Variants in CNTNAP2 observed in about 807,000 individuals in gnomAD.
The protein encoded by CNTNAP2 is contactin associated protein 2.
CNTNAP2 carries 98 observed loss-of-function variants against 155.2 expected under a neutral mutation model. The ratio of observed to expected loss-of-function variants is 0.63; its 90% CI spans 0.54 to 0.75. The LOEUF (loss-of-function observed/expected upper bound fraction) is 0.75. Ranked by LOEUF, CNTNAP2 falls within the 30% of genes least tolerant of loss-of-function variation. CNTNAP2 has a pLI of 0.00. For synonymous variants in CNTNAP2, 651 were observed against 631.2 expected, an observed-to-expected ratio of 1.03 and a Z score of -0.47; for missense variants, 1,727 against 1,688.1, an observed-to-expected ratio of 1.02 and a Z score of -0.40.
At chr7:146,129,034 T>C (rs1797677410) in intron 1 of CNTNAP2, among the ~76,000 whole-genome samples, 1 of 152,286 alleles carries the variant, frequency 6.6e-6, no homozygotes, top group South Asian at 2.1e-4. Context: ...TAAAACATTT[T>C]TAAATTTTAA....
intron 2 of CNTNAP2, among the ~76,000 whole-genome samples, chr7:146,812,639 A>C (rs1803088872): frequency 6.6e-6 from 1 of 152,066 alleles, no homozygotes; most frequent in Non-Finnish European, 1.5e-5. Flanking sequence ...AGTGTGATAG[A>C]AAAGAAAAAC....
intron 13 of CNTNAP2, among the ~76,000 whole-genome samples, chr7:147,696,352 T>C (rs1468783609): frequency 6.6e-6 from 1 of 152,192 alleles, no homozygotes; most frequent in Non-Finnish European, 1.5e-5. Context: ...TATACTTCTT[T>C]GTTTTTACTT....
chr7:148,206,507 C>T (rs1315522952), intron 18 of CNTNAP2, among the ~76,000 whole-genome samples: 1 of 152,060 alleles, frequency 6.6e-6, no homozygotes, highest in East Asian at 1.9e-4. Context: ...ATAAGGGATT[C>T]AAGACCTTCC....
At chr7:147,188,944 T>C (rs1802624760) in intron 8 of CNTNAP2, among the ~76,000 whole-genome samples, 1 of 152,208 alleles carries the variant, frequency 6.6e-6, no homozygotes, top group African/African-American at 2.4e-5. Flanking sequence ...TGTGTTGTTT[T>C]GCCAATTAAA....
At chr7:148,386,583 C>T (rs1411531314) in intron 22 of CNTNAP2, among the ~76,000 whole-genome samples, 2 of 152,088 alleles carry the variant, frequency 1.3e-5, no homozygotes, top group Non-Finnish European at 2.9e-5. Context: ...TGATTTTCCT[C>T]TTTTAGGTGA....
At chr7:146,337,623 T>TG (rs1801300251) in intron 1 of CNTNAP2, among the ~76,000 whole-genome samples, 1 of 148,780 alleles carries the variant, frequency 6.7e-6, no homozygotes, top group African/African-American at 2.6e-5. Context: ...ATACCTGGCT[T>TG]TTTTGTTTGT....
At chr7:146,463,878 A>G (rs1405088538) in intron 1 of CNTNAP2, among the ~76,000 whole-genome samples, 1 of 152,134 alleles carries the variant, frequency 6.6e-6, no homozygotes, top group East Asian at 1.9e-4. Context: ...TCTGTTTCCC[A>G]TAAAAACAGA....
At chr7:147,066,561 A>G (rs1799782914) in intron 4 of CNTNAP2, among the ~76,000 whole-genome samples, 1 of 152,348 alleles carries the variant, frequency 6.6e-6, no homozygotes. Flanking sequence ...TAAGTTTCCT[A>G]AAATTCTTGC....
At chr7:147,219,942 ATTTT>A (rs34947567) in intron 8 of CNTNAP2, among the ~76,000 whole-genome samples, 2 of 123,016 alleles carry the variant, frequency 1.6e-5, no homozygotes, top group Non-Finnish European at 1.7e-5. Context: ...CGCCCAGCTA[ATTTT>A]TTTTTTTTTT....
intron 13 of CNTNAP2, among the ~76,000 whole-genome samples, chr7:147,659,559 T>C (rs1296621645): frequency 6.6e-6 from 1 of 152,204 alleles, no homozygotes; most frequent in Non-Finnish European, 1.5e-5. Context: ...AAGCCATGTG[T>C]GTTGCATGGA....
At chr7:146,231,860 A>G (rs1799391529) in intron 1 of CNTNAP2, among the ~76,000 whole-genome samples, 1 of 152,216 alleles carries the variant, frequency 6.6e-6, no homozygotes. Flanking sequence ...GCATTTCTAT[A>G]CTTCTCTTGT....
At chr7:147,727,094 A>T (rs1469571862) in intron 13 of CNTNAP2, among the ~76,000 whole-genome samples, 1 of 151,924 alleles carries the variant, frequency 6.6e-6, no homozygotes, top group Non-Finnish European at 1.5e-5. Context: ...TTAGTATACC[A>T]ATTAGACCTC....
At chr7:148,049,950 G>T (rs1802854619) in intron 15 of CNTNAP2, among the ~76,000 whole-genome samples, 3 of 152,160 alleles carry the variant, frequency 2.0e-5, no homozygotes, top group Admixed American at 2.0e-4. Flanking sequence ...ATCACCTGAG[G>T]TCAGGAGGTT....
At chr7:146,856,297 G>C (rs6961980) in intron 3 of CNTNAP2, among the ~76,000 whole-genome samples, 60,188 of 115,620 alleles carry the variant, frequency 0.52, 13,401 homozygotes, top group Admixed American at 0.56. Context: ...TAGATAGATA[G>C]ATACATACAT....
intron 13 of CNTNAP2, among the ~76,000 whole-genome samples, chr7:147,685,968 T>C (rs988834625): frequency 8.6e-5 from 13 of 151,932 alleles, no homozygotes; most frequent in African/African-American, 3.1e-4. Flanking sequence ...GGCAGACTTA[T>C]TGAGGCTGTG....
At chr7:147,828,127 A>T (rs1040685527) in intron 13 of CNTNAP2, among the ~76,000 whole-genome samples, 11 of 152,316 alleles carry the variant, frequency 7.2e-5, no homozygotes, top group African/African-American at 2.6e-4. Context: ...TAGTATACTT[A>T]TTTCAGATAT....
intron 1 of CNTNAP2, among the ~76,000 whole-genome samples, chr7:146,632,016 T>C (rs1341875220): frequency 3.9e-5 from 6 of 152,214 alleles, no homozygotes; most frequent in Non-Finnish European, 8.8e-5. Flanking sequence ...GTAATTACTA[T>C]GTGTTAGAGA....
chr7:146,523,934 C>T (rs1455942947), intron 1 of CNTNAP2, among the ~76,000 whole-genome samples: 2 of 151,978 alleles, frequency 1.3e-5, no homozygotes, highest in Admixed American at 6.6e-5. Context: ...TTCCTTGTTC[C>T]TGTGCCTTTA....
chr7:148,242,424 C>G (rs922788415), intron 20 of CNTNAP2, among the ~76,000 whole-genome samples: 6 of 152,202 alleles, frequency 3.9e-5, no homozygotes, highest in Non-Finnish European at 7.3e-5. Flanking sequence ...GGACATGGTC[C>G]TGGAGCGAGT....
Sources: allele counts gnomAD v4.1 joint callset (sites outside exome capture counted in the v4.1 genomes callset), GRCh38; gene constraint gnomAD v4.1.1; transcripts MANE v1.5; gene names NCBI Gene and HGNC (gene_info 2026-07-23, HGNC 2026-07-21).